Variants in ELMOD1 observed in about 807,000 individuals in gnomAD.
The protein encoded by ELMOD1 is ELMO domain containing 1, also known as ELMO domain-containing protein 1.
Under a neutral mutation model 46.7 loss-of-function variants are expected in ELMOD1, and 21 were observed. The observed-to-expected ratio is 0.45, with a 90% confidence interval of 0.32 to 0.65. The LOEUF is 0.65. Among genes scored for constraint, ELMOD1 ranks in the 30% least tolerant of loss-of-function variants. The pLI is 0.04. For missense variants in ELMOD1, 348 were observed against 407.8 expected (o/e 0.85, Z 1.26); for synonymous variants, 122 against 138.2 (o/e 0.88, Z 0.82).
chr11:107,616,579 A>G lies in ELMOD1; in HGVS notation c.-85-1526A>G, dbSNP rs1015609249. Reference sequence around the variant, plus strand: ...TTTTTAGTAGAGATGAGGTTTCTTCATGTTGGCCATGCTGGTCTTGAACGC... The same window carrying G: ...TTTTTAGTAGAGATGAGGTTTCTTCGTGTTGGCCATGCTGGTCTTGAACGC... On this transcript the variant is annotated intron_variant, in intron 1 of 11. Coordinates refer to ENST00000265840, the MANE Select transcript of ELMOD1 (RefSeq NM_018712.4). 2.0e-5 allele frequency among the ~76,000 whole-genome samples: 3 copies of G among 151,872 alleles called. No homozygotes were observed. In the South Asian group the frequency reaches 6.2e-4, roughly 32 times the overall value.
At chr11:107,620,180 T>G (rs564704431) in intron 2 of ELMOD1, 1 of 152,164 alleles carries the variant, frequency 6.6e-6, no homozygotes, top group African/African-American at 2.4e-5. Flanking sequence ...GACTTTTCAC[T>G]GGGAAGAATT....
intron 1 of ELMOD1, among the ~76,000 whole-genome samples, chr11:107,599,760 G>GA (rs1389152842): frequency 8.8e-6 from 1 of 113,132 alleles, no homozygotes. Flanking sequence ...AAGAAAAAAA[G>GA]AAAAGAAAAA....
chr11:107,594,884 C>T (rs1379797144), intron 1 of ELMOD1, among the ~76,000 whole-genome samples: 3 of 151,996 alleles, frequency 2.0e-5, no homozygotes, highest in Non-Finnish European at 4.4e-5. Flanking sequence ...GAAAATGACT[C>T]TATGCTTGTA....
chr11:107,599,032 G>C (rs609471), intron 1 of ELMOD1, among the ~76,000 whole-genome samples: 21,131 of 152,182 alleles, frequency 0.14, 1,978 homozygotes, highest in African/African-American at 0.27. Context: ...TGGAATAAGG[G>C]ATCTTGCTTG....
At chr11:107,625,270 G>A (rs1442424582) in intron 2 of ELMOD1, 23 of 488,852 alleles carry the variant, frequency 4.7e-5, no homozygotes, top group Non-Finnish European at 5.6e-5. Context: ...ACATTGAGCC[G>A]CTTGCTCTTC....
At chr11:107,647,840 A>G (rs986359404) in intron 7 of ELMOD1, among the ~76,000 whole-genome samples, 2 of 152,212 alleles carry the variant, frequency 1.3e-5, no homozygotes, top group Non-Finnish European at 2.9e-5. Flanking sequence ...AAATTGTTTT[A>G]TTATTGAAAA....
intron 2 of ELMOD1, among the ~76,000 whole-genome samples, chr11:107,621,748 C>G (rs1291055902): frequency 4.7e-5 from 3 of 63,214 alleles, no homozygotes. Flanking sequence ...ATGTGAGGGC[C>G]AGGCATGGTG....
At chr11:107,636,290 G>A (rs1866228391) in intron 6 of ELMOD1, among the ~76,000 whole-genome samples, 1 of 152,158 alleles carries the variant, frequency 6.6e-6, no homozygotes, top group Non-Finnish European at 1.5e-5. Flanking sequence ...GAAATAATGT[G>A]GAGTTATGAA....
chr11:107,635,774 T>C lies in ELMOD1; in HGVS notation c.420+9T>C. 5.0e-6 allele frequency: 8 copies of C among 1,610,288 alleles called. No homozygotes were observed. The highest frequency in any genetic ancestry group is 6.8e-6 in the Non-Finnish European group (8 of 1,177,876). ...AAGAAATGCTTTTGAAGGTTAGTGCTTGAACACATTTCGGTTCTTCCTCTA... is the reference window on the plus strand; with the variant it reads ...AAGAAATGCTTTTGAAGGTTAGTGCCTGAACACATTTCGGTTCTTCCTCTA... On this transcript the variant is annotated intron_variant, in intron 6 of 11. Transcript: ENST00000265840.
At chr11:107,596,650 T>C (rs1193869250) in intron 1 of ELMOD1, among the ~76,000 whole-genome samples, 2 of 152,168 alleles carry the variant, frequency 1.3e-5, no homozygotes, top group African/African-American at 4.8e-5. Context: ...AAATGCCTAT[T>C]ATGTACATCA....
intron 6 of ELMOD1, among the ~76,000 whole-genome samples, chr11:107,639,753 A>C (rs1565383659): frequency 6.6e-6 from 1 of 152,156 alleles, no homozygotes; most frequent in African/African-American, 2.4e-5. Context: ...GTCTTCTGCT[A>C]ATCACTTTTC....
At chr11:107,618,750 A>G (rs1308338320) in intron 2 of ELMOD1, among the ~76,000 whole-genome samples, 1 of 152,150 alleles carries the variant, frequency 6.6e-6, no homozygotes, top group Non-Finnish European at 1.5e-5. Context: ...TGCTGGACAG[A>G]GTATGCCATA....
At position 107,607,083 on chromosome 11, in the gene ELMOD1, C is replaced by A. The variant is rs891576824; in HGVS notation, c.-85-11022C>A. ...GTCCTTTCTCCTCCATTTTACCTCA[C>A]CCAGACAATAGCCATCACTGAAGAA... is the stretch of plus-strand genomic sequence containing the variant. On this transcript the variant is annotated intron_variant, in intron 1 of 11. Transcript: ENST00000265840. 7.9e-5 allele frequency among the ~76,000 whole-genome samples: 12 copies of A among 152,130 alleles called. 1 individual carries two copies. Among genetic ancestry groups the A allele is most frequent in the Admixed American group, 3.9e-4 (6 of 15,272 alleles).
At chr11:107,615,919 A>G (rs141713691) in intron 1 of ELMOD1, among the ~76,000 whole-genome samples, 5 of 151,560 alleles carry the variant, frequency 3.3e-5, no homozygotes, top group African/African-American at 7.3e-5. Flanking sequence ...CATGCTATCA[A>G]CATGACTTAT....
intron 5 of ELMOD1, among the ~76,000 whole-genome samples, chr11:107,633,846 C>G (rs1042164125): frequency 6.6e-6 from 1 of 152,116 alleles, no homozygotes; most frequent in Non-Finnish European, 1.5e-5. Flanking sequence ...GTGGCTAGTG[C>G]TATGGTGCCC....
intron 6 of ELMOD1, among the ~76,000 whole-genome samples, chr11:107,639,849 G>A (rs1866290456): frequency 6.6e-6 from 1 of 152,072 alleles, no homozygotes; most frequent in Non-Finnish European, 1.5e-5. Context: ...ATTCCTTAGA[G>A]TCCCCACCAT....
chr11:107,626,153 T>C (rs932170161), intron 2 of ELMOD1, among the ~76,000 whole-genome samples: 11 of 152,084 alleles, frequency 7.2e-5, no homozygotes, highest in Non-Finnish European at 1.3e-4. Context: ...TCTAGTGTTA[T>C]GAAGAAGAAA....
intron 9 of ELMOD1, among the ~76,000 whole-genome samples, chr11:107,652,675 C>A (rs1426379394): frequency 6.6e-6 from 1 of 152,146 alleles, no homozygotes; most frequent in African/African-American, 2.4e-5. Context: ...GTAAAAAAAT[C>A]TCCTGATCTC....
chr11:107,625,602 C>T (rs1866027848), intron 2 of ELMOD1: 3 of 978,012 alleles, frequency 3.1e-6, no homozygotes, highest in Non-Finnish European at 3.6e-6. Context: ...TTTTGAAAGC[C>T]CCATCCCTCC....
Sources: gnomAD v4.1 joint callset for allele counts (sites outside exome capture counted in the v4.1 genomes callset) on GRCh38, gnomAD v4.1.1 for gene constraint, MANE v1.5 for transcripts, NCBI Gene and HGNC (gene_info 2026-07-23, HGNC 2026-07-21) for gene names.